TMX4: variants seen among roughly 807,000 people sequenced by gnomAD.
TMX4 encodes thioredoxin related transmembrane protein 4.
A neutral mutation model predicts 33.3 loss-of-function variants in TMX4; 23 were observed. That is an observed-to-expected ratio of 0.69 (90% confidence interval 0.50 to 0.98). The LOEUF is 0.98. TMX4 is among the 50% of genes least tolerant of loss of function. The pLI is 0.00. For synonymous variants in TMX4, 164 were observed against 161.5 expected (o/e 1.02, Z -0.12); for missense variants, 399 against 448.9 (o/e 0.89, Z 1.01).
intron 2 of TMX4, among the ~76,000 whole-genome samples, chr20:8,006,288 C>T (rs2050730230): frequency 6.6e-6 from 1 of 152,156 alleles, no homozygotes; most frequent in South Asian, 2.1e-4. Context: ...GCTTAAAATA[C>T]TTAAAAGAAT....
intron 1 of TMX4, chr20:8,019,078 C>A: frequency 2.1e-6 from 1 of 471,416 alleles, no homozygotes; most frequent in Non-Finnish European, 4.1e-6. Flanking sequence ...TTCTTCCTTC[C>A]CTTCTCCTCC....
intron 2 of TMX4, among the ~76,000 whole-genome samples, chr20:8,009,230 C>A (rs2050742542): frequency 6.6e-6 from 1 of 151,954 alleles, no homozygotes; most frequent in Non-Finnish European, 1.5e-5. Context: ...ACTACAAACA[C>A]AAATTTATTG....
At position 8,018,510 on chromosome 20, in the gene TMX4, G is replaced by GCA. The variant is rs1453183017; in HGVS notation, c.176+927_176+928insTG. Among the ~76,000 whole-genome samples the GCA allele has an allele frequency of 1.2e-4, 6 of 51,132 alleles. 1 individual carries two copies. Among genetic ancestry groups the GCA allele is most frequent in the African/African-American group, 8.2e-4 (4 of 4,882 alleles). 33.5% of individuals were successfully genotyped at this position (51,132 alleles called of 152,430 possible). On this transcript the variant is annotated intron_variant, in intron 1 of 7. Transcript: ENST00000246024. Reference sequence around the variant, plus strand: ...AGAGAGAGAGAGAGAGAGAGAGAGAGAGAGAGAGAGAGAGAGAGTCTGCAA... The same window carrying GCA: ...AGAGAGAGAGAGAGAGAGAGAGAGAGCAAGAGAGAGAGAGAGAGAGTCTGCAA...
At chr20:7,990,049 C>A (rs2050647547) in intron 5 of TMX4, among the ~76,000 whole-genome samples, 1 of 152,122 alleles carries the variant, frequency 6.6e-6, no homozygotes, top group Admixed American at 6.6e-5. Flanking sequence ...GTAATCCCAG[C>A]ACTTTGGAAG....
chr20:7,982,429 T>G lies in TMX4; in HGVS notation c.872A>C (p.Glu291Ala). The part of the protein sequence containing the change: ...EEDNLAAGVD[E>A]ERSEANDQGP... ...CTGATCATTGGCCTCACTTCTCTCCTCATCCACACCAGCAGCCAAGTTGTC... is the reference window on the plus strand; with the variant it reads ...CTGATCATTGGCCTCACTTCTCTCCGCATCCACACCAGCAGCCAAGTTGTC... Residue 291 changes from glutamate to alanine, a missense_variant, in exon 8 of 8, where the codon GAG becomes GCG. Coordinates refer to ENST00000246024, the MANE Select transcript of TMX4 (RefSeq NM_021156.4). 2.5e-6 allele frequency: 4 copies of G among 1,614,126 alleles called. No homozygotes were observed. The highest frequency in any genetic ancestry group is 3.4e-6 in the Non-Finnish European group (4 of 1,180,030).
chr20:7,988,901 T>C (rs2050641764), intron 5 of TMX4, among the ~76,000 whole-genome samples: 1 of 151,898 alleles, frequency 6.6e-6, no homozygotes, highest in Non-Finnish European at 1.5e-5. Context: ...CAAGCGCCTA[T>C]AATCCTAGCT....
chr20:8,001,388 T>A (rs536404533), intron 3 of TMX4, 108 bp downstream of exon 3: 8 of 1,160,282 alleles, frequency 6.9e-6, no homozygotes, highest in African/African-American at 6.2e-5. Flanking sequence ...CTTGTTTCCC[T>A]CACATGTTAA....
chr20:7,990,400 T>A (rs760880888), intron 5 of TMX4, among the ~76,000 whole-genome samples: 36 of 138,122 alleles, frequency 2.6e-4, no homozygotes, highest in Non-Finnish European at 4.7e-4. Context: ...TAGAGCTAAC[T>A]TTTGGCTACA....
At chr20:8,000,360 C>T (rs1045636047) in intron 3 of TMX4, among the ~76,000 whole-genome samples, 1 of 152,084 alleles carries the variant, frequency 6.6e-6, no homozygotes, top group African/African-American at 2.4e-5. Flanking sequence ...GTTTTCTCCT[C>T]TTTATGTCTC....
At chr20:8,010,073 G>A in intron 2 of TMX4, 127 bp downstream of exon 2, 2 of 625,302 alleles carry the variant, frequency 3.2e-6, no homozygotes, top group Non-Finnish European at 5.6e-6. Context: ...AATGTAATCT[G>A]CTACTTAAAG....
intron 7 of TMX4, 108 bp downstream of exon 7, chr20:7,983,686 T>C (rs1208896818): frequency 1.4e-5 from 10 of 719,982 alleles, no homozygotes; most frequent in Middle Eastern, 2.5e-4. Context: ...TAGTGATTAT[T>C]TGGTCACCTA....
At chr20:8,016,963 A>AT (rs1432024264) in intron 1 of TMX4, among the ~76,000 whole-genome samples, 1 of 149,434 alleles carries the variant, frequency 6.7e-6, no homozygotes, top group Non-Finnish European at 1.5e-5. Flanking sequence ...ATTTTAATGC[A>AT]TTTTGTTTTT....
intron 5 of TMX4, among the ~76,000 whole-genome samples, chr20:7,989,155 A>C (rs1248680584): frequency 1.3e-5 from 2 of 152,236 alleles, no homozygotes; most frequent in African/African-American, 4.8e-5. Flanking sequence ...TTCCTACTTT[A>C]GAAAATACTG....
intron 1 of TMX4, among the ~76,000 whole-genome samples, chr20:8,015,034 T>C (rs2050767972): frequency 6.6e-6 from 1 of 151,202 alleles, no homozygotes; most frequent in South Asian, 2.1e-4. Flanking sequence ...TCTCCACTAG[T>C]CAGTAAGAAT....
intron 1 of TMX4, among the ~76,000 whole-genome samples, chr20:8,012,170 T>TCTG (rs1423589056): frequency 6.6e-6 from 1 of 152,168 alleles, no homozygotes; most frequent in African/African-American, 2.4e-5. Context: ...GGATAAGAGT[T>TCTG]CTGCTATAAC....
In TMX4 at chr20:7,982,153, G is replaced by C. The variant is rs765838623; in HGVS notation, c.*98C>G. On this transcript the variant is annotated 3_prime_UTR_variant, in exon 8 of 8. Coordinates refer to ENST00000246024, the MANE Select transcript of TMX4 (RefSeq NM_021156.4). ...AGAGAGCATCTTTTAAGAGAAGCTTGCTCATTCAGGAAAAATTAAGGATTT... is the reference window on the plus strand; with the variant it reads ...AGAGAGCATCTTTTAAGAGAAGCTTCCTCATTCAGGAAAAATTAAGGATTT... 186 of 1,268,528 alleles carry C rather than the reference G, an allele frequency of 1.5e-4. No homozygotes were observed. The highest frequency in any genetic ancestry group is 1.9e-4 in the Non-Finnish European group (177 of 930,810). The allele number at this position is 1,268,528 out of a possible 1,614,324, so 78.6% of individuals were successfully genotyped here.
At chr20:8,015,381 A>C (rs1225028537) in intron 1 of TMX4, among the ~76,000 whole-genome samples, 1 of 152,224 alleles carries the variant, frequency 6.6e-6, no homozygotes, top group Non-Finnish European at 1.5e-5. Flanking sequence ...CAAGTATGCC[A>C]AAGGTTCTGC....
intron 7 of TMX4, 143 bp from the exon 8 acceptor site, chr20:7,982,764 C>G (rs2050614371): frequency 2.1e-6 from 2 of 941,904 alleles, no homozygotes; most frequent in Non-Finnish European, 3.1e-6. Flanking sequence ...AGGACAGATT[C>G]TCTGGTTGGC....
At position 8,001,553 on chromosome 20, in the gene TMX4, A is replaced by G. The variant is rs1310103209; in HGVS notation, c.293-12T>C. On this transcript the variant is annotated splice_polypyrimidine_tract_variant and intron_variant, in intron 2 of 7. Transcript: ENST00000246024. The stretch of plus-strand genomic sequence containing the variant: ...GCGGCCACTCAAACCTACAAGAAGC[A>G]TAAACAGAACAAAAGTTACACTTAA... 2 of 1,596,280 alleles carry G rather than the reference A, an allele frequency of 1.3e-6. No homozygotes were observed. The highest frequency in any genetic ancestry group is 1.7e-6 in the Non-Finnish European group (2 of 1,169,112).
Sources: gnomAD v4.1 joint callset for allele counts (sites outside exome capture counted in the v4.1 genomes callset) on GRCh38, gnomAD v4.1.1 for gene constraint, MANE v1.5 for transcripts, NCBI Gene and HGNC (gene_info 2026-07-23, HGNC 2026-07-21) for gene names.